GMFG: variants seen among roughly 807,000 people sequenced by gnomAD.
GMFG encodes glia maturation factor gamma.
GMFG carries 21 observed loss-of-function variants against 26.1 expected under a neutral mutation model. The ratio of observed to expected loss-of-function variants is 0.80; its 90% CI spans 0.57 to 1.16. GMFG has a LOEUF of 1.16. Among genes scored for constraint, GMFG ranks in the 50% most tolerant of loss-of-function variants. GMFG has a pLI of 0.00. For synonymous variants in GMFG, 65 were observed against 60.8 expected (o/e 1.07, Z -0.32); for missense variants, 161 against 178.3 (o/e 0.90, Z 0.55).
intron 3 of GMFG, among the ~76,000 whole-genome samples, chr19:39,333,576 C>T (rs1440783708): frequency 5.5e-5 from 8 of 144,212 alleles, no homozygotes; most frequent in African/African-American, 1.0e-4. Context: ...ATCGAAACTC[C>T]GTCTCAAAAA....
intron 3 of GMFG, among the ~76,000 whole-genome samples, chr19:39,334,296 G>A (rs577642932): frequency 1.7e-3 from 256 of 151,954 alleles, no homozygotes; most frequent in African/African-American, 5.9e-3. Flanking sequence ...GATTACAGGC[G>A]TGAGCCACGG....
chr19:39,330,584 A>G (rs2075222335), intron 4 of GMFG, among the ~76,000 whole-genome samples: 1 of 148,176 alleles, frequency 6.7e-6, no homozygotes, highest in African/African-American at 2.5e-5. Context: ...GCACACCACC[A>G]TGCCCAGCTA....
chr19:39,328,926 T>A (rs746061814), intron 6 of GMFG, 74 bp downstream of exon 6: 1 of 1,023,982 alleles, frequency 9.8e-7, no homozygotes, highest in South Asian at 1.3e-5. Flanking sequence ...GTGAGGACTC[T>A]AGTCCCTCTT....
intron 5 of GMFG, 31 bp downstream of exon 5, chr19:39,329,513 C>G (rs369802035): frequency 9.2e-6 from 12 of 1,301,594 alleles, no homozygotes; most frequent in Non-Finnish European, 1.3e-5. Context: ...ATCGAAGACC[C>G]TCTCCTGAGG....
intron 4 of GMFG, 38 bp downstream of exon 4, chr19:39,333,039 C>G (rs967784605): frequency 2.0e-6 from 3 of 1,482,156 alleles, no homozygotes; most frequent in Non-Finnish European, 2.8e-6. Context: ...CACCCCTCCC[C>G]TCATGGCCTG....
chr19:39,336,028 C>G lies in GMFG; in HGVS notation c.-52G>C. ...TTTCTTAGTTCCGCTGTCTTCTAGG[C>G]GTGGGGACCGGGGCTGTAGGGGGGC... is the stretch of plus-strand genomic sequence containing the variant. On this transcript the variant is annotated 5_prime_UTR_variant, in exon 1 of 7. Transcript: ENST00000597595. 8 of 1,537,986 alleles carry G rather than the reference C, an allele frequency of 5.2e-6. No homozygotes were observed. The highest frequency in any genetic ancestry group is 7.2e-6 in the Non-Finnish European group (8 of 1,111,260).
Position 39,329,063 on chromosome 19 carries a change from C to T in GMFG, c.294G>A (p.Pro98=), listed in dbSNP as rs756358477. The T allele has an allele frequency of 2.1e-5, 34 of 1,612,594 alleles. No individual in the cohort carries two copies. The highest frequency in any genetic ancestry group is 1.6e-4 in the Middle Eastern group (1 of 6,078). Residue 98 remains proline, a synonymous_variant, in exon 6 of 7, where the codon CCG becomes CCA. Coordinates refer to ENST00000597595, the MANE Select transcript of GMFG (RefSeq NM_004877.4). Reference sequence around the variant, plus strand: ...TCCCTGCATACATCATCTGTTGTTCCGGCTTGCAGCCTGCGTGGAAAAGAG... The same window carrying T: ...TCCCTGCATACATCATCTGTTGTTCTGGCTTGCAGCCTGCGTGGAAAAGAG... ...FIFSSPVGCK[P]EQQMMYAGSK...
At chr19:39,335,333 G>T in intron 2 of GMFG, 23 bp from the exon 3 acceptor site, 1 of 1,595,094 alleles carries the variant, frequency 6.3e-7, no homozygotes, top group Non-Finnish European at 8.6e-7. Context: ...GGCACACAGG[G>T]ATTAGACACT....
chr19:39,332,985 T>C, intron 4 of GMFG, 92 bp downstream of exon 4: 6 of 784,448 alleles, frequency 7.6e-6, no homozygotes, highest in Middle Eastern at 2.5e-4. Context: ...AGTCCATGAA[T>C]AGGGCTGGAA....
At chr19:39,329,426 AC>A (rs1157730243) in intron 5 of GMFG, 117 bp downstream of exon 5, 6 of 695,990 alleles carry the variant, frequency 8.6e-6, no homozygotes, top group East Asian at 2.7e-5. Context: ...CCAGTCACAC[AC>A]AGGCTGTCAC....
At chr19:39,331,941 C>A (rs1447693762) in intron 4 of GMFG, among the ~76,000 whole-genome samples, 2 of 151,960 alleles carry the variant, frequency 1.3e-5, no homozygotes, top group Non-Finnish European at 2.9e-5. Context: ...GGCTCACTTG[C>A]AGCCTCAGCT....
intron 6 of GMFG, chr19:39,328,758 C>T (rs2075213898): frequency 4.9e-6 from 3 of 607,956 alleles, no homozygotes; most frequent in East Asian, 2.8e-5. Context: ...GTGTGCCTGT[C>T]GTCCCACTAC....
chr19:39,329,805 C>T (rs369206231), intron 4 of GMFG, among the ~76,000 whole-genome samples, 179 bp from the exon 5 acceptor site: 5 of 152,100 alleles, frequency 3.3e-5, no homozygotes, highest in African/African-American at 4.8e-5. Context: ...TAGGGCCGGG[C>T]GCAGGACTCA....
At chr19:39,328,884 AAAC>A in intron 6 of GMFG, 113 bp downstream of exon 6, 1 of 810,048 alleles carries the variant, frequency 1.2e-6, no homozygotes, top group Non-Finnish European at 2.1e-6. Context: ...TTCTTTAAAA[AAAC>A]AAAAACAAAA....
At chr19:39,332,931 T>G in intron 4 of GMFG, 146 bp downstream of exon 4, 1 of 478,094 alleles carries the variant, frequency 2.1e-6, no homozygotes, top group Non-Finnish European at 4.0e-6. Flanking sequence ...AGTGCTGGGA[T>G]TACAGGGATG....
At chr19:39,329,397 GACAC>G in intron 5 of GMFG, 143 bp downstream of exon 5, 1 of 657,824 alleles carries the variant, frequency 1.5e-6, no homozygotes. Flanking sequence ...TCATGCGTGC[GACAC>G]ACACACATCC....
rs1568334751 is a variant in GMFG at position 39,336,012 on chromosome 19, T to C, written c.-36A>G. The C allele has an allele frequency of 6.3e-7, 1 of 1,592,780 alleles. No homozygotes were observed. The highest frequency in any genetic ancestry group is 1.3e-5 in the African/African-American group (1 of 74,396). On this transcript the variant is annotated 5_prime_UTR_variant, in exon 1 of 7. Transcript: ENST00000597595. The stretch of plus-strand genomic sequence containing the variant: ...TCCACAGGCCTCTTCTTTTCTTAGT[T>C]CCGCTGTCTTCTAGGCGTGGGGACC...
intron 4 of GMFG, chr19:39,332,771 GC>G: frequency 4.0e-6 from 1 of 249,096 alleles, no homozygotes; most frequent in East Asian, 1.8e-4. Flanking sequence ...CGATTCTCGT[GC>G]CTCAGCCTCC....
intron 6 of GMFG, 134 bp from the exon 7 acceptor site, chr19:39,328,682 C>T: frequency 1.5e-6 from 1 of 677,670 alleles, no homozygotes; most frequent in Non-Finnish European, 2.7e-6. Context: ...AGTTCGAGAC[C>T]AGCCTGGCCA....
Sources: allele counts gnomAD v4.1 joint callset (sites outside exome capture counted in the v4.1 genomes callset), GRCh38; gene constraint gnomAD v4.1.1; transcripts MANE v1.5; gene names NCBI Gene and HGNC (gene_info 2026-07-23, HGNC 2026-07-21).